Variants in TENM2 observed in about 807,000 individuals in gnomAD.
TENM2 encodes the protein teneurin transmembrane protein 2.
TENM2 carries 52 observed loss-of-function variants against 245.2 expected under a neutral mutation model. That is an observed-to-expected ratio of 0.21 (90% CI 0.17 to 0.27). The LOEUF is 0.27. Ranked by LOEUF, TENM2 falls within the 10% of genes least tolerant of loss-of-function variation. The pLI, the probability that TENM2 is intolerant of heterozygous loss-of-function variation, is 1.00. For synonymous variants in TENM2, 1,363 were observed against 1,438.9 expected, an observed-to-expected ratio of 0.95 and a Z score of 1.19; for missense variants, 3,046 against 3,666.8, an observed-to-expected ratio of 0.83 and a Z score of 4.37.
intron 3 of TENM2, among the ~76,000 whole-genome samples, chr5:167,949,595 A>C (rs1779917226): frequency 6.6e-6 from 1 of 152,090 alleles, no homozygotes; most frequent in Non-Finnish European, 1.5e-5. Context: ...CTTTCACAGC[A>C]ACCTTAGCGG....
chr5:167,233,635 G>A, the TENM2 span, among the ~76,000 whole-genome samples: 2 of 152,112 alleles, frequency 1.3e-5, no homozygotes, highest in East Asian at 3.9e-4. Context: ...ATAAGAAAAT[G>A]CTTGTTAACA....
intron 2 of TENM2, among the ~76,000 whole-genome samples, chr5:167,854,902 C>T (rs1352792520): frequency 1.3e-5 from 2 of 152,124 alleles, no homozygotes; most frequent in South Asian, 2.1e-4. Flanking sequence ...CAAGACTCAC[C>T]CCCACTCATC....
In TENM2 at chr5:168,091,933, C is replaced by T. The variant is rs1328844850; in HGVS notation, c.1711+1164C>T. Among the ~76,000 whole-genome samples the T allele has an allele frequency of 6.6e-5, 10 of 152,328 alleles. No homozygotes were observed. In the East Asian group the frequency reaches 1.5e-3, roughly 23 times the overall value. On this transcript the variant is annotated intron_variant, in intron 8 of 28. Coordinates refer to ENST00000518659, the Ensembl canonical transcript of TENM2. ...ATCAGCTGTGAAAAGGTAATGACCA[C>T]GTCCAGGAAGTAGAGGGTGATGTGA...
chr5:167,149,577 C>T, the TENM2 span, among the ~76,000 whole-genome samples: 38 of 152,194 alleles, frequency 2.5e-4, no homozygotes, highest in Non-Finnish European at 4.9e-4. Context: ...AGACCTGATT[C>T]CCAGGGTCCA....
intron 2 of TENM2, among the ~76,000 whole-genome samples, chr5:167,848,393 A>G (rs1469342258): frequency 6.6e-6 from 1 of 152,216 alleles, no homozygotes; most frequent in Non-Finnish European, 1.5e-5. Context: ...CAAAGCCACT[A>G]AAATTCAATT....
chr5:167,770,241 G>C, intron 2 of TENM2, among the ~76,000 whole-genome samples: 1 of 152,118 alleles, frequency 6.6e-6, no homozygotes, highest in East Asian at 1.9e-4. Context: ...GGAATCAATT[G>C]GGCAGAACAG....
chr5:168,113,292 C>T (rs1562174237), intron 9 of TENM2, among the ~76,000 whole-genome samples: 2 of 152,040 alleles, frequency 1.3e-5, no homozygotes, highest in Admixed American at 6.5e-5. Context: ...TGCACTCCAG[C>T]CTGGGTGACA....
intron 2 of TENM2, among the ~76,000 whole-genome samples, chr5:167,404,500 G>A (rs1428939568): frequency 6.6e-6 from 1 of 152,080 alleles, no homozygotes; most frequent in Non-Finnish European, 1.5e-5. Flanking sequence ...AGCCCACTGG[G>A]GAGAGATAAA....
chr5:167,393,605 C>T (rs904190787), intron 2 of TENM2, among the ~76,000 whole-genome samples: 1 of 152,106 alleles, frequency 6.6e-6, no homozygotes, highest in South Asian at 2.1e-4. Flanking sequence ...AAGGTGAAGT[C>T]AGGTCATAGA....
intron 3 of TENM2, among the ~76,000 whole-genome samples, chr5:167,935,314 A>G (rs189853255): frequency 1.3e-5 from 2 of 152,200 alleles, no homozygotes; most frequent in African/African-American, 2.4e-5. Context: ...ATTTTTCTGT[A>G]CATCCCTCTC....
intron 2 of TENM2, among the ~76,000 whole-genome samples, chr5:167,576,219 A>C (rs922276491): frequency 1.3e-5 from 2 of 152,216 alleles, no homozygotes; most frequent in African/African-American, 2.4e-5. Flanking sequence ...TTCAGCATGT[A>C]CTTTTTAGGC....
the TENM2 span, among the ~76,000 whole-genome samples, chr5:167,115,074 T>G: frequency 6.6e-6 from 1 of 152,194 alleles, no homozygotes; most frequent in Admixed American, 6.5e-5. Context: ...AGGAAGACCT[T>G]GAAGCTGAGA....
At chr5:167,790,582 C>T (rs1764882392) in intron 2 of TENM2, among the ~76,000 whole-genome samples, 1 of 152,146 alleles carries the variant, frequency 6.6e-6, no homozygotes, top group African/African-American at 2.4e-5. Flanking sequence ...CTGGACCCTT[C>T]AGATTATAAA....
intron 2 of TENM2, among the ~76,000 whole-genome samples, chr5:167,798,540 C>T (rs970605550): frequency 9.2e-5 from 14 of 152,120 alleles, no homozygotes; most frequent in African/African-American, 1.9e-4. Context: ...CTGTGCAGTT[C>T]GAGGAAAGCC....
chr5:167,267,576 T>C, the TENM2 span, among the ~76,000 whole-genome samples: 1 of 152,160 alleles, frequency 6.6e-6, no homozygotes, highest in Non-Finnish European at 1.5e-5. Flanking sequence ...GCAGAACCTT[T>C]TATCTGCATG....
intron 2 of TENM2, among the ~76,000 whole-genome samples, chr5:167,454,402 T>G (rs2127480787): frequency 6.6e-6 from 1 of 152,232 alleles, no homozygotes; most frequent in African/African-American, 2.4e-5. Context: ...TATGGATGGC[T>G]TCAGGCATGG....
rs143387463 is a variant in TENM2 at position 168,056,197 on chromosome 5, C to T, written c.1310-5863C>T. Among the ~76,000 whole-genome samples the T allele has an allele frequency of 4.8e-3, 734 of 152,220 alleles. 4 individuals carry two copies. Among genetic ancestry groups the T allele is most frequent in the African/African-American group, 0.016 (682 of 41,536 alleles). Reference sequence around the variant, plus strand: ...AACAGAGATCTGTCCTCCTGGACATCGGCCCAGAAATTTGACCTCCAGGAA... The same window carrying T: ...AACAGAGATCTGTCCTCCTGGACATTGGCCCAGAAATTTGACCTCCAGGAA... On this transcript the variant is annotated intron_variant, in intron 6 of 28. Transcript: ENST00000518659.
At chr5:167,001,074 A>G in the TENM2 span, among the ~76,000 whole-genome samples, 1 of 152,108 alleles carries the variant, frequency 6.6e-6, no homozygotes, top group Non-Finnish European at 1.5e-5. Flanking sequence ...TCGAGTTAGG[A>G]ATATAGGCTA....
At chr5:167,179,316 C>G in the TENM2 span, among the ~76,000 whole-genome samples, 2 of 152,238 alleles carry the variant, frequency 1.3e-5, no homozygotes, top group East Asian at 1.9e-4. Context: ...AAAGGCTTTT[C>G]CTTTCATTGT....
Sources: allele counts gnomAD v4.1 joint callset (sites outside exome capture counted in the v4.1 genomes callset), GRCh38; gene constraint gnomAD v4.1.1; transcripts MANE v1.5; gene names NCBI Gene and HGNC (gene_info 2026-07-23, HGNC 2026-07-21).